Variants in ABTB3 observed in about 807,000 individuals in gnomAD.
ABTB3 encodes the protein ankyrin repeat- and BTB/POZ domain-containing protein 3.
At chr12:107,435,768 A>G in the ABTB3 span, among the ~76,000 whole-genome samples, 1 of 152,054 alleles carries the variant, frequency 6.6e-6, no homozygotes, top group Non-Finnish European at 1.5e-5. Context: ...CTTCCTTATT[A>G]CTTCCTTGGG....
the ABTB3 span, chr12:107,635,399 T>C: frequency 1.2e-6 from 2 of 1,610,950 alleles, no homozygotes; most frequent in African/African-American, 1.3e-5. Context: ...GGGTGAGTGG[T>C]TCCCCCAGGC....
At chr12:107,400,497 T>A in the ABTB3 span, among the ~76,000 whole-genome samples, 1 of 152,210 alleles carries the variant, frequency 6.6e-6, no homozygotes, top group Non-Finnish European at 1.5e-5. Context: ...GCAGGTACAG[T>A]GACATTTGTG....
the ABTB3 span, among the ~76,000 whole-genome samples, chr12:107,365,166 G>A: frequency 1.3e-5 from 2 of 152,202 alleles, no homozygotes; most frequent in Non-Finnish European, 2.9e-5. Context: ...TAAAGTGGTT[G>A]TAGCAGTGCC....
the ABTB3 span, among the ~76,000 whole-genome samples, chr12:107,405,169 G>T: frequency 6.6e-6 from 1 of 152,208 alleles, no homozygotes; most frequent in Non-Finnish European, 1.5e-5. Context: ...AGTAGGCCAG[G>T]TTGTACACTG....
the ABTB3 span, among the ~76,000 whole-genome samples, chr12:107,652,528 G>A: frequency 1.3e-5 from 2 of 152,328 alleles, no homozygotes; most frequent in South Asian, 4.1e-4. Flanking sequence ...CACTGCTGAA[G>A]TCTTTGGAGT....
At chr12:107,344,650 T>C in the ABTB3 span, among the ~76,000 whole-genome samples, 1 of 152,198 alleles carries the variant, frequency 6.6e-6, no homozygotes, top group Non-Finnish European at 1.5e-5. Flanking sequence ...ACCTTTGTCA[T>C]GGCCAGCTCA....
the ABTB3 span, among the ~76,000 whole-genome samples, chr12:107,431,732 C>A: frequency 6.6e-6 from 1 of 152,236 alleles, no homozygotes; most frequent in Admixed American, 6.5e-5. Context: ...ACATCCCTAG[C>A]ATAGGGTAAA....
At chr12:107,485,671 G>A in the ABTB3 span, among the ~76,000 whole-genome samples, 1 of 152,036 alleles carries the variant, frequency 6.6e-6, no homozygotes, top group Admixed American at 6.6e-5. Flanking sequence ...GCAATAAATG[G>A]GATCATTGTT....
the ABTB3 span, among the ~76,000 whole-genome samples, chr12:107,345,328 C>T: frequency 6.6e-6 from 1 of 152,212 alleles, no homozygotes; most frequent in Admixed American, 6.5e-5. Flanking sequence ...CAAGTGGATG[C>T]TCCATTCTCT....
chr12:107,378,799 G>A, the ABTB3 span, among the ~76,000 whole-genome samples: 5 of 152,162 alleles, frequency 3.3e-5, 1 homozygote, highest in South Asian at 1.0e-3. Flanking sequence ...TTGTGAAAAC[G>A]TCCCCTGATG....
At chr12:107,449,193 T>TA in the ABTB3 span, among the ~76,000 whole-genome samples, 1 of 152,182 alleles carries the variant, frequency 6.6e-6, no homozygotes, top group African/African-American at 2.4e-5. Context: ...CCAGCTGGGC[T>TA]CCAGGAAGCC....
the ABTB3 span, chr12:107,612,721 C>T: frequency 8.2e-6 from 12 of 1,458,134 alleles, no homozygotes; most frequent in East Asian, 4.9e-5. Context: ...TTGTTATTGT[C>T]GATTGACCAC....
chr12:107,579,564 G>C, the ABTB3 span, among the ~76,000 whole-genome samples: 1 of 152,172 alleles, frequency 6.6e-6, no homozygotes, highest in African/African-American at 2.4e-5. Context: ...ATTAACATTG[G>C]ATAAATAGAT....
At chr12:107,612,602 G>C in the ABTB3 span, among the ~76,000 whole-genome samples, 1 of 152,312 alleles carries the variant, frequency 6.6e-6, no homozygotes, top group East Asian at 1.9e-4. Flanking sequence ...CCTCTATTTT[G>C]GTTTCCACAT....
the ABTB3 span, among the ~76,000 whole-genome samples, chr12:107,539,493 A>C: frequency 6.6e-6 from 1 of 152,198 alleles, no homozygotes; most frequent in Non-Finnish European, 1.5e-5. Context: ...AAGCAGTAGC[A>C]GCTAAGGATC....
chr12:107,576,245 C>G, the ABTB3 span, among the ~76,000 whole-genome samples: 1 of 152,238 alleles, frequency 6.6e-6, no homozygotes, highest in Non-Finnish European at 1.5e-5. Flanking sequence ...TCCTCCCACT[C>G]CAGGCCAAGT....
the ABTB3 span, chr12:107,619,876 G>GA: frequency 1.5e-5 from 16 of 1,050,722 alleles, no homozygotes; most frequent in Non-Finnish European, 2.1e-5. Context: ...ATGTCCTGGG[G>GA]AAAAGCCAAC....
At chr12:107,439,779 C>CA in the ABTB3 span, among the ~76,000 whole-genome samples, 81 of 152,324 alleles carry the variant, frequency 5.3e-4, no homozygotes, top group African/African-American at 1.9e-3. Flanking sequence ...TTACCACCAT[C>CA]AAGGCCACAA....
At chr12:107,558,142 G>A in the ABTB3 span, among the ~76,000 whole-genome samples, 2 of 152,230 alleles carry the variant, frequency 1.3e-5, no homozygotes, top group Non-Finnish European at 2.9e-5. Flanking sequence ...AGCTGTCAAA[G>A]GTTCCAGGTA....
Sources: allele counts gnomAD v4.1 joint callset (sites outside exome capture counted in the v4.1 genomes callset), GRCh38; gene constraint gnomAD v4.1.1; transcripts MANE v1.5; gene names NCBI Gene and HGNC (gene_info 2026-07-23, HGNC 2026-07-21).